KCTD1: variants seen among roughly 807,000 people sequenced by gnomAD.
KCTD1 encodes the protein BTB/POZ domain-containing protein KCTD1.
KCTD1 carries 24 observed loss-of-function variants against 66.0 expected under a neutral mutation model. The ratio of observed to expected loss-of-function variants is 0.36; its 90% CI spans 0.26 to 0.51. KCTD1 has a LOEUF of 0.51. KCTD1 is among the 20% of genes least tolerant of loss of function. The pLI is 0.95. For synonymous variants in KCTD1, 511 were observed against 517.2 expected, an observed-to-expected ratio of 0.99 and a Z score of 0.16; for missense variants, 943 against 1,205.2, an observed-to-expected ratio of 0.78 and a Z score of 3.22.
intron 1 of KCTD1, chr18:26,544,822 T>G (rs953364652): frequency 1.3e-5 from 2 of 152,244 alleles, no homozygotes; most frequent in Non-Finnish European, 2.9e-5. Context: ...TGAAAACTTT[T>G]TGTAGTGTTT....
intron 1 of KCTD1, among the ~76,000 whole-genome samples, chr18:26,595,001 C>T (rs1008735478): frequency 2.0e-5 from 3 of 152,196 alleles, no homozygotes; most frequent in African/African-American, 7.2e-5. Flanking sequence ...CTCCTCCCCT[C>T]TCCCTCTCCC....
chr18:26,564,540 T>A (rs1470431328), intron 1 of KCTD1, among the ~76,000 whole-genome samples: 1 of 152,196 alleles, frequency 6.6e-6, no homozygotes, highest in African/African-American at 2.4e-5. Flanking sequence ...TACTTCTATA[T>A]TATTTTATTA....
intron 1 of KCTD1, among the ~76,000 whole-genome samples, chr18:26,656,365 T>C (rs895927820): frequency 2.0e-5 from 3 of 152,238 alleles, no homozygotes; most frequent in East Asian, 1.9e-4. Flanking sequence ...ATCCGGAGCA[T>C]GTGCTGTGCC....
intron 4 of KCTD1, chr18:26,456,810 C>CTGTT (rs1980111448): frequency 6.6e-6 from 1 of 151,850 alleles, no homozygotes; most frequent in African/African-American, 2.4e-5. Flanking sequence ...CTGGAGCATT[C>CTGTT]TGTTTCTTTA....
At chr18:26,647,519 C>CAAAAGAAAAAAAAAAA (rs1987951233) in intron 1 of KCTD1, among the ~76,000 whole-genome samples, 1 of 57,306 alleles carries the variant, frequency 1.7e-5, no homozygotes, top group Non-Finnish European at 3.2e-5. Context: ...GACTCCATCT[C>CAAAAGAAAAAAAAAAA]AAAAAAAAAA....
chr18:26,511,275 T>G (rs1983315009), intron 1 of KCTD1, among the ~76,000 whole-genome samples: 1 of 152,160 alleles, frequency 6.6e-6, no homozygotes, highest in Admixed American at 6.5e-5. Context: ...TAAATGGGCT[T>G]CAGGTCAAGG....
rs1199597729 is a variant in KCTD1, at chr18:26,494,313, ATGAGC to A, written c.1988+6754_1988+6758del. Among the ~76,000 whole-genome samples the A allele has an allele frequency of 2.0e-5, 3 of 152,298 alleles. No homozygotes were observed. In the East Asian group the frequency reaches 5.8e-4, roughly 29 times the overall value. On this transcript the variant is annotated intron_variant, in intron 2 of 4. Transcript: ENST00000580059. ...TTAAGCCCAGGAATTCAAGGCTACA[ATGAGC>A]TATGATCCTGCTACTGCCCTCCAGC...
intron 1 of KCTD1, among the ~76,000 whole-genome samples, chr18:26,621,154 T>C (rs1224829559): frequency 6.6e-6 from 1 of 152,214 alleles, no homozygotes. Context: ...TTTACAAAGC[T>C]ATGCTGAAGA....
intron 1 of KCTD1, among the ~76,000 whole-genome samples, chr18:26,577,333 A>AT (rs1986247620): frequency 6.6e-6 from 1 of 152,094 alleles, no homozygotes; most frequent in African/African-American, 2.4e-5. Flanking sequence ...GCTTCTAGAA[A>AT]TTTTTTGAAA....
intron 1 of KCTD1, among the ~76,000 whole-genome samples, chr18:26,532,531 C>A (rs902666972): frequency 9.9e-5 from 15 of 152,182 alleles, no homozygotes; most frequent in African/African-American, 3.6e-4. Flanking sequence ...CCCAAAGTGC[C>A]GGGGTTACAG....
intron 3 of KCTD1, among the ~76,000 whole-genome samples, chr18:26,463,140 C>A (rs758510079): frequency 2.0e-5 from 3 of 152,172 alleles, no homozygotes; most frequent in African/African-American, 4.8e-5. Flanking sequence ...TGTCCTATGT[C>A]CATTTTATCT....
At chr18:26,477,651 T>G (rs1981419164) in intron 2 of KCTD1, among the ~76,000 whole-genome samples, 2 of 152,304 alleles carry the variant, frequency 1.3e-5, no homozygotes, top group Admixed American at 1.3e-4. Flanking sequence ...GCAGGTGTAA[T>G]GATAAATCAA....
intron 1 of KCTD1, among the ~76,000 whole-genome samples, chr18:26,535,599 C>T (rs1598925335): frequency 6.6e-6 from 1 of 152,186 alleles, no homozygotes; most frequent in Non-Finnish European, 1.5e-5. Context: ...TTCACTGAGG[C>T]TCCAAAAACA....
At chr18:26,521,983 TG>T (rs1983935044) in intron 1 of KCTD1, among the ~76,000 whole-genome samples, 1 of 152,060 alleles carries the variant, frequency 6.6e-6, no homozygotes, top group African/African-American at 2.4e-5. Flanking sequence ...TAAAGGTGAC[TG>T]GAAAAAAAAA....
chr18:26,521,751 G>T (rs1983921405), intron 1 of KCTD1, among the ~76,000 whole-genome samples: 1 of 152,168 alleles, frequency 6.6e-6, no homozygotes, highest in Non-Finnish European at 1.5e-5. Context: ...TGAACCTCTA[G>T]AAAAGGTACA....
chr18:26,652,130 C>A (rs1988048473), intron 1 of KCTD1, among the ~76,000 whole-genome samples: 1 of 152,160 alleles, frequency 6.6e-6, no homozygotes, highest in African/African-American at 2.4e-5. Context: ...CTTGGGGTGG[C>A]TCCTCCAGAG....
intron 1 of KCTD1, among the ~76,000 whole-genome samples, chr18:26,553,757 CT>C (rs1336914729): frequency 3.3e-5 from 5 of 151,142 alleles, no homozygotes; most frequent in Non-Finnish European, 7.4e-5. Context: ...TTGACCATTA[CT>C]TCTTATTTAT....
chr18:26,515,855 T>G (rs1983629670), intron 1 of KCTD1, among the ~76,000 whole-genome samples: 1 of 152,212 alleles, frequency 6.6e-6, no homozygotes, highest in Non-Finnish European at 1.5e-5. Context: ...GGCACTGCAC[T>G]AGAGCATTCC....
At chr18:26,645,447 G>T (rs527781954) in intron 1 of KCTD1, among the ~76,000 whole-genome samples, 1 of 152,228 alleles carries the variant, frequency 6.6e-6, no homozygotes, top group South Asian at 2.1e-4. Context: ...CTGTCACCTA[G>T]GCTGGAGTGC....
Sources: allele counts gnomAD v4.1 joint callset (sites outside exome capture counted in the v4.1 genomes callset), GRCh38; gene constraint gnomAD v4.1.1; transcripts MANE v1.5; gene names NCBI Gene and HGNC (gene_info 2026-07-23, HGNC 2026-07-21).